Variants in TRIM9 observed in about 807,000 individuals in gnomAD.
The protein encoded by TRIM9 is E3 ubiquitin-protein ligase TRIM9.
In TRIM9, 26 loss-of-function variants were observed where a neutral mutation model predicts 78.3. The observed-to-expected ratio is 0.33, with a 90% CI of 0.24 to 0.46. The LOEUF (loss-of-function observed/expected upper bound fraction) is 0.46, where lower values mean the gene tolerates loss of function less well. Ranked by LOEUF, TRIM9 falls within the 20% of genes least tolerant of loss-of-function variation. TRIM9 has a pLI of 1.00. For synonymous variants in TRIM9, 398 were observed against 416.5 expected (o/e 0.96, Z 0.54); for missense variants, 787 against 1,036.4 (o/e 0.76, Z 3.30).
At chr14:51,022,069 T>C (rs536344012) in intron 3 of TRIM9, among the ~76,000 whole-genome samples, 21 of 152,350 alleles carry the variant, frequency 1.4e-4, no homozygotes, top group Admixed American at 1.1e-3. Flanking sequence ...CTTTTCCTAC[T>C]TTTAGAATTT....
chr14:51,039,053 T>G (rs1194732947), intron 1 of TRIM9, among the ~76,000 whole-genome samples: 2 of 152,196 alleles, frequency 1.3e-5, no homozygotes, highest in Admixed American at 1.3e-4. Flanking sequence ...GAAATGTTAA[T>G]CACAAGATCT....
Position 50,998,060 on chromosome 14 carries a change from T to C in TRIM9, c.1593A>G (p.Gln531=), listed in dbSNP as rs1257115563. ...VSPYSKTLVL[Q]TSEDTDSEEQ... is the part of the protein sequence containing the mutation. The stretch of plus-strand genomic sequence containing the variant: ...GCTGAAGGGCCTTACCCTCAGACGT[T>C]TGGAGGACCAGGGTCTTGCTGTACG... Residue 531 remains glutamine, a synonymous_variant, in exon 7 of 13, where the codon CAA becomes CAG. Transcript: ENST00000684578. 1.2e-6 allele frequency: 2 copies of C among 1,614,038 alleles called. No homozygotes were observed. The highest frequency in any genetic ancestry group is 1.7e-6 in the Non-Finnish European group (2 of 1,180,024).
intron 1 of TRIM9, among the ~76,000 whole-genome samples, chr14:51,040,958 T>C (rs1738366033): frequency 6.6e-6 from 1 of 152,250 alleles, no homozygotes; most frequent in African/African-American, 2.4e-5. Context: ...ATAATAGATT[T>C]AGGTTTTTTC....
intron 5 of TRIM9, among the ~76,000 whole-genome samples, chr14:51,003,372 C>A (rs1414236077): frequency 6.6e-6 from 1 of 152,060 alleles, no homozygotes; most frequent in Non-Finnish European, 1.5e-5. Context: ...GCTCTTATTT[C>A]ATTAGCTCCA....
At position 51,039,570 on chromosome 14, in the gene TRIM9, A is replaced by G. The variant is rs140809802; in HGVS notation, c.823-14210T>C. Among the ~76,000 whole-genome samples, 61 of 152,284 alleles carry G rather than the reference A, an allele frequency of 4.0e-4. No homozygotes were observed. In the East Asian group the frequency reaches 0.011, roughly 28 times the overall value. ...ATGCTGTATTTAAATGAAGTTCAAGAACAGTTTGATGGCGATGGAAGGAGG... is the reference window on the plus strand; with the variant it reads ...ATGCTGTATTTAAATGAAGTTCAAGGACAGTTTGATGGCGATGGAAGGAGG... On this transcript the variant is annotated intron_variant, in intron 1 of 12. Transcript: ENST00000684578.
chr14:51,061,633 C>T (rs2061359148), intron 1 of TRIM9, among the ~76,000 whole-genome samples: 2 of 152,040 alleles, frequency 1.3e-5, no homozygotes, highest in Admixed American at 1.3e-4. Flanking sequence ...CTTCTAGGAG[C>T]TTAATGATTG....
intron 1 of TRIM9, among the ~76,000 whole-genome samples, chr14:51,043,199 T>A (rs1219276702): frequency 6.6e-6 from 1 of 152,184 alleles, no homozygotes; most frequent in Non-Finnish European, 1.5e-5. Flanking sequence ...AACTCAGATA[T>A]GCTAATGGAT....
At chr14:50,989,202 C>T (rs2053155833) in intron 7 of TRIM9, among the ~76,000 whole-genome samples, 1 of 152,216 alleles carries the variant, frequency 6.6e-6, no homozygotes, top group South Asian at 2.1e-4. Context: ...GCCCTCTGGA[C>T]ATGTTCAAAG....
chr14:51,072,788 A>C (rs1324529780), intron 1 of TRIM9, among the ~76,000 whole-genome samples: 2 of 152,148 alleles, frequency 1.3e-5, no homozygotes. Flanking sequence ...TTGCTTTATA[A>C]TATTTCTAAG....
At chr14:50,997,930 C>T in intron 7 of TRIM9, 120 bp downstream of exon 7, 1 of 1,521,736 alleles carries the variant, frequency 6.6e-7, no homozygotes. Flanking sequence ...GTGCAGAATG[C>T]AGAGCAAGTC....
rs1245561233 is a variant in TRIM9 at position 51,094,587 on chromosome 14, G to A, written c.353C>T (p.Ala118Val). ...GATACAGGAGTTGCGGGGCACCGGG[G>A]CCAGGGCCGGTGACAAGTGGGTGGC... is the stretch of plus-strand genomic sequence containing the variant. ...PPATHLSPAL[A>V]PVPRNSCITC... Residue 118 changes from alanine (A) to valine (V), a missense_variant, in exon 1 of 13, where the codon GCC becomes GTC. This residue lies in a region of TRIM9 where 352 missense variants were observed against 472.3 expected (regional missense o/e 0.75). Transcript: ENST00000684578. 5 of 1,611,248 alleles carry A rather than the reference G, an allele frequency of 3.1e-6. No homozygotes were observed. The highest frequency in any genetic ancestry group is 2.2e-5 in the East Asian group (1 of 44,820).
chr14:51,003,810 C>G (rs889222201), intron 5 of TRIM9, among the ~76,000 whole-genome samples: 1 of 152,090 alleles, frequency 6.6e-6, no homozygotes, highest in Admixed American at 6.5e-5. Flanking sequence ...CCTCCATGTG[C>G]TGAGAATTAG....
intron 3 of TRIM9, among the ~76,000 whole-genome samples, chr14:51,014,791 T>G (rs2056974314): frequency 6.6e-6 from 1 of 152,214 alleles, no homozygotes; most frequent in Non-Finnish European, 1.5e-5. Context: ...ACCTCACTGT[T>G]GTCTTTGAAT....
At chr14:51,078,763 T>C (rs2063039201) in intron 1 of TRIM9, among the ~76,000 whole-genome samples, 1 of 151,980 alleles carries the variant, frequency 6.6e-6, no homozygotes, top group Non-Finnish European at 1.5e-5. Flanking sequence ...ATGAAGGAGA[T>C]GTAAGTCCAA....
At chr14:50,983,298 C>T (rs1008615901) in intron 9 of TRIM9, 82 bp downstream of exon 9, 1 of 1,164,292 alleles carries the variant, frequency 8.6e-7, no homozygotes. Flanking sequence ...TGACATAAGA[C>T]AAGTTGCCGC....
chr14:51,091,420 T>G (rs2140377955), intron 1 of TRIM9: 1 of 152,334 alleles, frequency 6.6e-6, no homozygotes, highest in Admixed American at 6.5e-5. Flanking sequence ...TAACCTGTGT[T>G]GATAACTAAC....
chr14:50,994,156 A>G (rs1439120783), intron 7 of TRIM9, among the ~76,000 whole-genome samples: 5 of 152,212 alleles, frequency 3.3e-5, no homozygotes, highest in African/African-American at 9.6e-5. Context: ...CTGTCATCCC[A>G]GTACTTTGGG....
intron 5 of TRIM9, among the ~76,000 whole-genome samples, chr14:51,001,646 A>T (rs1566564452): frequency 6.6e-6 from 1 of 151,456 alleles, no homozygotes; most frequent in African/African-American, 2.4e-5. Flanking sequence ...ATATTCCATC[A>T]TTTTTTTTTA....
At chr14:50,995,414 T>C (rs1285270713) in intron 7 of TRIM9, among the ~76,000 whole-genome samples, 1 of 152,156 alleles carries the variant, frequency 6.6e-6, no homozygotes, top group East Asian at 1.9e-4. Context: ...TAGCACACAG[T>C]GGTCACTTAT....
Sources: allele counts gnomAD v4.1 joint callset (sites outside exome capture counted in the v4.1 genomes callset), GRCh38; gene constraint gnomAD v4.1.1; regional missense constraint gnomAD v4.1.1; transcripts MANE v1.5; gene names NCBI Gene and HGNC (gene_info 2026-07-23, HGNC 2026-07-21).